The following SCUBE1 variants were observed in gnomAD, a reference collection of about 807,000 sequenced individuals.
SCUBE1 encodes signal peptide, CUB and EGF-like domain-containing protein 1.
A neutral mutation model predicts 124.4 loss-of-function variants in SCUBE1; 59 were observed. The observed-to-expected ratio is 0.47, with a 90% CI of 0.38 to 0.59. SCUBE1 has a LOEUF of 0.59. Ranked by LOEUF, SCUBE1 falls within the 20% of genes least tolerant of loss-of-function variation. The pLI, the probability that SCUBE1 is intolerant of heterozygous loss-of-function variation, is 0.00. For synonymous variants in SCUBE1, 545 were observed against 550.9 expected (o/e 0.99, Z 0.15); for missense variants, 1,150 against 1,371.2 (o/e 0.84, Z 2.55).
rs1273173401 is a variant in SCUBE1, at chr22:43,234,334, G to A, written c.845-2459C>T. The stretch of plus-strand genomic sequence containing the variant: ...GCTAAATGGTGCCTCTCCTAGCATC[G>A]CCTCTCCCAGCATCCTTAGCAAACT... On this transcript the variant is annotated intron_variant, in intron 7 of 21. Coordinates refer to ENST00000360835, the MANE Select transcript of SCUBE1 (RefSeq NM_173050.5). The surrounding 1 kb of genome is among the most constrained non-coding windows in gnomAD (Gnocchi z 4.4). Among the ~76,000 whole-genome samples the A allele has an allele frequency of 6.6e-6, 1 of 152,058 alleles. No individual in the cohort carries two copies. Among genetic ancestry groups the A allele is most frequent in the African/African-American group, 2.4e-5 (1 of 41,378 alleles).
intron 4 of SCUBE1, among the ~76,000 whole-genome samples, chr22:43,266,308 G>A (rs1345916963): frequency 6.6e-6 from 1 of 151,962 alleles, no homozygotes. Context: ...GGTGGTTGGG[G>A]GAGCATCACT....
intron 2 of SCUBE1, among the ~76,000 whole-genome samples, chr22:43,336,124 C>A (rs113748946): frequency 2.6e-5 from 4 of 152,170 alleles, no homozygotes; most frequent in Admixed American, 6.5e-5. Context: ...GTGCACTATA[C>A]TGTGCCTCAC....
At chr22:43,299,475 C>A (rs1925687375) in intron 3 of SCUBE1, among the ~76,000 whole-genome samples, 1 of 152,204 alleles carries the variant, frequency 6.6e-6, no homozygotes, top group African/African-American at 2.4e-5. Context: ...CACTCACCAC[C>A]CAGGTCGCCC....
intron 4 of SCUBE1, among the ~76,000 whole-genome samples, chr22:43,279,957 A>C (rs1248999805): frequency 6.6e-6 from 1 of 152,188 alleles, no homozygotes; most frequent in Non-Finnish European, 1.5e-5. Flanking sequence ...CAAGCTCCTA[A>C]GCCTCAATGA....
At chr22:43,249,715 G>A (rs1190074860) in intron 6 of SCUBE1, among the ~76,000 whole-genome samples, 2 of 152,224 alleles carry the variant, frequency 1.3e-5, no homozygotes, top group African/African-American at 4.8e-5. Context: ...CTGTAGCCCC[G>A]TGAGCTGCAG....
intron 4 of SCUBE1, among the ~76,000 whole-genome samples, chr22:43,286,280 T>C (rs557298952): frequency 6.6e-6 from 1 of 152,344 alleles, no homozygotes; most frequent in South Asian, 2.1e-4. Flanking sequence ...CACGAGATGG[T>C]CCATGGTAGA....
chr22:43,286,066 T>C (rs1159759678), intron 4 of SCUBE1, among the ~76,000 whole-genome samples: 3 of 152,196 alleles, frequency 2.0e-5, no homozygotes, highest in African/African-American at 7.2e-5. Context: ...AGGTCCTGAC[T>C]CTGCGGCCGG....
chr22:43,247,473 C>T (rs1234217281), intron 6 of SCUBE1, among the ~76,000 whole-genome samples: 7 of 152,190 alleles, frequency 4.6e-5, no homozygotes, highest in African/African-American at 4.8e-5. Flanking sequence ...AACAAATGCA[C>T]GGTCCTTACA....
intron 3 of SCUBE1, among the ~76,000 whole-genome samples, chr22:43,305,773 G>A (rs761399941): frequency 3.9e-5 from 6 of 152,180 alleles, no homozygotes; most frequent in African/African-American, 7.2e-5. Flanking sequence ...ATGAGCCAGG[G>A]GAGGGCAAGC....
intron 6 of SCUBE1, among the ~76,000 whole-genome samples, chr22:43,247,531 G>C (rs1442304332): frequency 1.3e-5 from 2 of 152,330 alleles, no homozygotes; most frequent in African/African-American, 4.8e-5. Flanking sequence ...CACCTTCCTT[G>C]GGTCAGACCA....
chr22:43,305,494 G>T (rs1228172749), intron 3 of SCUBE1, among the ~76,000 whole-genome samples: 2 of 152,186 alleles, frequency 1.3e-5, no homozygotes, highest in Non-Finnish European at 2.9e-5. Flanking sequence ...TCCGGGACAG[G>T]CCGGGAGGAG....
intron 19 of SCUBE1, among the ~76,000 whole-genome samples, chr22:43,208,792 G>A (rs867296204): frequency 6.6e-6 from 1 of 152,212 alleles, no homozygotes; most frequent in African/African-American, 2.4e-5. Flanking sequence ...GCATGTGACC[G>A]GCAGGTGAAT....
intron 7 of SCUBE1, 120 bp from the exon 8 acceptor site, chr22:43,231,995 T>A (rs1352296672): frequency 8.0e-7 from 1 of 1,243,624 alleles, no homozygotes; most frequent in Non-Finnish European, 1.1e-6. Flanking sequence ...GGTGCCCACT[T>A]CCCAAGCTGG....
rs937794312 is a variant in SCUBE1 at position 43,258,027 on chromosome 22, G to GAAGCCTCCCCAGA, written c.727+179_727+191dup. 6.6e-6 allele frequency among the ~76,000 whole-genome samples: 1 copy of GAAGCCTCCCCAGA among 151,546 alleles called. No homozygotes were observed. Among genetic ancestry groups the GAAGCCTCCCCAGA allele is most frequent in the African/African-American group, 2.5e-5 (1 of 40,802 alleles). On this transcript the variant is annotated intron_variant, in intron 6 of 21. Transcript: ENST00000360835. This position sits in a 1 kb window ranked among gnomAD's most constrained non-coding sequence, Gnocchi z 5.0. ...GTCTTGGGGGGCTGCAGGCCCCAGA[G>GAAGCCTCCCCAGA]AAGCCTCCCCAGAAAGCCTCCCCAG...
intron 4 of SCUBE1, among the ~76,000 whole-genome samples, chr22:43,287,130 G>C (rs1005005887): frequency 1.3e-5 from 2 of 152,308 alleles, no homozygotes; most frequent in Non-Finnish European, 1.5e-5. Context: ...GAGGTAGGGG[G>C]TGCTATCATG....
rs1046992570 is a variant in SCUBE1, at chr22:43,214,103, C to A, written c.2040G>T (p.Val680=). 2 of 1,494,112 alleles carry A rather than the reference C, an allele frequency of 1.3e-6. No individual in the cohort carries two copies. The highest frequency in any genetic ancestry group is 1.8e-4 in the Middle Eastern group (1 of 5,426). The allele number at this position is 1,494,112 out of a possible 1,614,324, so 92.6% of individuals were successfully genotyped here. The change falls in exon 16 of 22, where the codon GTG becomes GTT. Residue 680 remains valine, a synonymous_variant. Coordinates refer to ENST00000360835, the MANE Select transcript of SCUBE1 (RefSeq NM_173050.5). ...GCCCGCACTTGCCTCCACATTCCGACACGTTGCGGGCACCAGGCAGACCAA... is the reference window on the plus strand; with the variant it reads ...GCCCGCACTTGCCTCCACATTCCGAAACGTTGCGGGCACCAGGCAGACCAA... ...DGLGLPGARN[V]SECGGQCSPG... is the part of the protein sequence containing the mutation.
chr22:43,240,831 C>G (rs967258297), intron 6 of SCUBE1, among the ~76,000 whole-genome samples: 3 of 152,218 alleles, frequency 2.0e-5, no homozygotes, highest in African/African-American at 7.2e-5. Context: ...GTGCTCCCCT[C>G]CTGCCTTCTC....
intron 3 of SCUBE1, 34 bp from the exon 4 acceptor site, chr22:43,291,214 C>T: frequency 6.3e-7 from 1 of 1,593,674 alleles, no homozygotes; most frequent in East Asian, 2.3e-5. Flanking sequence ...GACCAGAGAT[C>T]ACACCTAAGT....
At chr22:43,291,017 C>A (rs759053982) in intron 4 of SCUBE1, 29 bp downstream of exon 4, 3 of 1,550,930 alleles carry the variant, frequency 1.9e-6, no homozygotes, top group Admixed American at 3.6e-5. Flanking sequence ...TGGGGGGGGA[C>A]ATGCCTGGTC....
Sources: allele counts gnomAD v4.1 joint callset (sites outside exome capture counted in the v4.1 genomes callset), GRCh38; gene constraint gnomAD v4.1.1; non-coding constraint Gnocchi (gnomAD v3.1); transcripts MANE v1.5; gene names NCBI Gene and HGNC (gene_info 2026-07-23, HGNC 2026-07-21).